AMBRA1: variants seen among roughly 807,000 people sequenced by gnomAD.
AMBRA1 encodes the protein activating molecule in BECN1-regulated autophagy protein 1.
AMBRA1 carries 47 observed loss-of-function variants against 125.4 expected under a neutral mutation model. That is an observed-to-expected ratio of 0.37 (90% confidence interval 0.30 to 0.48). AMBRA1 has a LOEUF of 0.48. Ranked by LOEUF, AMBRA1 falls within the 20% of genes least tolerant of loss-of-function variation. The pLI is 0.99. For synonymous variants in AMBRA1, 626 were observed against 655.5 expected, an observed-to-expected ratio of 0.95 and a Z score of 0.69; for missense variants, 1,331 against 1,693.4, an observed-to-expected ratio of 0.79 and a Z score of 3.76.
At chr11:46,540,927 T>A (rs531465362) in intron 7 of AMBRA1, among the ~76,000 whole-genome samples, 2 of 152,346 alleles carry the variant, frequency 1.3e-5, no homozygotes, top group South Asian at 4.1e-4. Flanking sequence ...AACTAATACT[T>A]ATTGACTGAG....
intron 11 of AMBRA1, among the ~76,000 whole-genome samples, chr11:46,444,341 T>C (rs1180515079): frequency 6.6e-6 from 1 of 152,238 alleles, no homozygotes; most frequent in Non-Finnish European, 1.5e-5. Flanking sequence ...CTGAGATATA[T>C]TCTTCTGTAT....
chr11:46,448,879 T>C (rs890133094), intron 11 of AMBRA1, among the ~76,000 whole-genome samples: 7 of 152,184 alleles, frequency 4.6e-5, no homozygotes, highest in African/African-American at 1.2e-4. Flanking sequence ...AGACACAGTA[T>C]ATTACAATTT....
chr11:46,578,100 A>C (rs534098099), intron 1 of AMBRA1, among the ~76,000 whole-genome samples: 1 of 152,162 alleles, frequency 6.6e-6, no homozygotes, highest in East Asian at 1.9e-4. Flanking sequence ...AGCCTGGAAG[A>C]AAGTGTGTCT....
chr11:46,581,344 C>T (rs146455333), intron 1 of AMBRA1, among the ~76,000 whole-genome samples: 2,448 of 152,086 alleles, frequency 0.016, 23 homozygotes, highest in Non-Finnish European at 0.022. Context: ...CGCAGTGGCT[C>T]ACACCTGTAA....
chr11:46,458,502 C>T (rs570552285), intron 11 of AMBRA1, among the ~76,000 whole-genome samples: 2 of 152,292 alleles, frequency 1.3e-5, no homozygotes, highest in African/African-American at 4.8e-5. Flanking sequence ...ACTGAGCCAT[C>T]GATTTTCCAT....
chr11:46,421,609 G>T (rs1424327043), intron 14 of AMBRA1, among the ~76,000 whole-genome samples: 1 of 152,124 alleles, frequency 6.6e-6, no homozygotes, highest in East Asian at 1.9e-4. Context: ...TGAGAATCTG[G>T]CCCATTTTGA....
At chr11:46,483,716 A>G (rs1950162914) in intron 11 of AMBRA1, among the ~76,000 whole-genome samples, 1 of 152,120 alleles carries the variant, frequency 6.6e-6, no homozygotes, top group African/African-American at 2.4e-5. Context: ...CCTGACCAAT[A>G]TGGTGAAACC....
chr11:46,576,172 C>A (rs993172681), intron 1 of AMBRA1, among the ~76,000 whole-genome samples: 1 of 151,904 alleles, frequency 6.6e-6, no homozygotes, highest in Non-Finnish European at 1.5e-5. Flanking sequence ...ATGTGAAATC[C>A]AAAAAGATTT....
intron 11 of AMBRA1, among the ~76,000 whole-genome samples, chr11:46,475,197 G>A (rs1194423817): frequency 4.6e-5 from 7 of 152,206 alleles, no homozygotes; most frequent in South Asian, 2.1e-4. Context: ...AGCGCCCAGT[G>A]CTACCTATAA....
intron 11 of AMBRA1, among the ~76,000 whole-genome samples, chr11:46,447,651 G>A (rs1422810873): frequency 2.0e-5 from 3 of 152,008 alleles, no homozygotes; most frequent in Non-Finnish European, 2.9e-5. Context: ...TGGAGGTTGC[G>A]GTGAGCTGAG....
chr11:46,513,430 C>T (rs927134438), intron 7 of AMBRA1, among the ~76,000 whole-genome samples: 2 of 152,032 alleles, frequency 1.3e-5, no homozygotes, highest in Admixed American at 6.6e-5. Flanking sequence ...ATATGTGATA[C>T]GTACATTTTA....
chr11:46,462,047 G>A (rs1245619454), intron 11 of AMBRA1, among the ~76,000 whole-genome samples: 1 of 152,060 alleles, frequency 6.6e-6, no homozygotes. Context: ...TTTAATGTCA[G>A]GTTAGATAAA....
intron 11 of AMBRA1, among the ~76,000 whole-genome samples, chr11:46,468,295 T>C (rs1249065964): frequency 1.3e-5 from 2 of 151,044 alleles, no homozygotes; most frequent in Non-Finnish European, 3.0e-5. Context: ...CCAAGCACCT[T>C]AGGAGGTGCC....
At chr11:46,399,528 TA>T (rs1945619319) in intron 17 of AMBRA1, among the ~76,000 whole-genome samples, 1 of 151,954 alleles carries the variant, frequency 6.6e-6, no homozygotes, top group Non-Finnish European at 1.5e-5. Context: ...CACACCTGGC[TA>T]ATTTTTTGTA....
intron 1 of AMBRA1, among the ~76,000 whole-genome samples, chr11:46,569,440 A>ATATATATATATAT (rs1555012051): frequency 1.5e-5 from 2 of 131,386 alleles, no homozygotes; most frequent in Admixed American, 7.8e-5. Context: ...AAAAAAAAAA[A>ATATATATATATAT]ATATATATAT....
intron 1 of AMBRA1, among the ~76,000 whole-genome samples, chr11:46,560,074 T>A (rs1325203617): frequency 2.0e-5 from 3 of 152,144 alleles, no homozygotes; most frequent in African/African-American, 7.2e-5. Context: ...AGCCACAGAT[T>A]ACATTATCTC....
Position 46,542,796 on chromosome 11 carries a change from G to C in AMBRA1, c.1221C>G (p.His407Gln). ...CTGTCAACCCAGGAGCTATTTCTCG[G>C]TGATACCTAGAAGGGTGGCTAGACA... ...GPLSSHPSRY[H>Q]REIAPGLTGS... Residue 407 changes from histidine (H) to glutamine (Q), a missense_variant, in exon 7 of 18, where the codon CAC (histidine) becomes CAG (glutamine). His to Gln is a conservative substitution (Grantham distance 24). Coordinates refer to ENST00000683756, the MANE Select transcript of AMBRA1 (RefSeq NM_001387011.1). The surrounding 1 kb of genome is among the most constrained non-coding windows in gnomAD (Gnocchi z 5.9). 3 of 1,614,126 alleles carry C rather than the reference G, an allele frequency of 1.9e-6. No individual in the cohort carries two copies. The highest frequency in any genetic ancestry group is 4.5e-5 in the East Asian group (2 of 44,872).
At chr11:46,579,045 T>TA (rs11393945) in intron 1 of AMBRA1, among the ~76,000 whole-genome samples, 10,644 of 68,158 alleles carry the variant, frequency 0.16, 706 homozygotes, top group African/African-American at 0.26. Flanking sequence ...AAGAAAGCAA[T>TA]AAAAAAAAAA....
chr11:46,511,015 A>G (rs1210788255), intron 8 of AMBRA1, among the ~76,000 whole-genome samples: 1 of 152,230 alleles, frequency 6.6e-6, no homozygotes, highest in Non-Finnish European at 1.5e-5. Context: ...TCAAAGTGTA[A>G]AAATACCAAC....
Sources: gnomAD v4.1 joint callset for allele counts (sites outside exome capture counted in the v4.1 genomes callset) on GRCh38, gnomAD v4.1.1 for gene constraint, Gnocchi (gnomAD v3.1) non-coding constraint, MANE v1.5 for transcripts, NCBI Gene and HGNC (gene_info 2026-07-23, HGNC 2026-07-21) for gene names.